The following TAPT1 variants were observed in gnomAD, a reference collection of about 807,000 sequenced individuals.
TAPT1 encodes the protein transmembrane anterior posterior transformation 1, also known as transmembrane anterior posterior transformation protein 1 homolog.
A neutral mutation model predicts 65.6 loss-of-function variants in TAPT1; 28 were observed. The ratio of observed to expected loss-of-function variants is 0.43; its 90% CI spans 0.32 to 0.59. TAPT1 has a LOEUF of 0.59. Ranked by LOEUF, TAPT1 falls within the 20% of genes least tolerant of loss-of-function variation. The pLI, the probability that TAPT1 is intolerant of heterozygous loss-of-function variation, is 0.09. For missense variants in TAPT1, 563 were observed against 679.9 expected (o/e 0.83, Z 1.91); for synonymous variants, 278 against 245.2 (o/e 1.13, Z -1.25).
rs781278121 is a variant in TAPT1 at position 16,174,248 on chromosome 4, CAG to C, written c.1190_1191del (p.Ser397CysfsTer25). On this transcript the variant is annotated frameshift_variant, in exon 11 of 14. Transcript: ENST00000405303. LOFTEE classifies it high-confidence loss of function. ...GGAATAAAGCCCATCCTCCGTGCTACAGAGTCACTGTAATCAGTGTATGCCTG... is the reference window on the plus strand; with the variant it reads ...GGAATAAAGCCCATCCTCCGTGCTACAGTCACTGTAATCAGTGTATGCCTG... ...QKNAYTDYSD[S>X]VARRMGFIPL... is the part of the protein sequence containing the mutation. The C allele has an allele frequency of 3.1e-6, 5 of 1,608,022 alleles. No homozygotes were observed. The highest frequency in any genetic ancestry group is 1.7e-4 in the Middle Eastern group (1 of 6,058).
At chr4:16,193,648 C>G (rs1749518434) in intron 3 of TAPT1, among the ~76,000 whole-genome samples, 1 of 152,178 alleles carries the variant, frequency 6.6e-6, no homozygotes, top group Admixed American at 6.5e-5. Flanking sequence ...AAACATATTT[C>G]TCATTCAAAC....
At chr4:16,169,079 T>A (rs1470106824) in intron 12 of TAPT1, among the ~76,000 whole-genome samples, 2 of 152,222 alleles carry the variant, frequency 1.3e-5, no homozygotes, top group African/African-American at 4.8e-5. Flanking sequence ...TTGAGAAAGC[T>A]TCTGAAGGAG....
chr4:16,222,069 T>C (rs893902927), intron 1 of TAPT1, among the ~76,000 whole-genome samples: 1 of 152,218 alleles, frequency 6.6e-6, no homozygotes, highest in Non-Finnish European at 1.5e-5. Flanking sequence ...TTTTCCAAGG[T>C]CATAAGGTTA....
intron 2 of TAPT1, among the ~76,000 whole-genome samples, chr4:16,205,103 T>G (rs1750264798): frequency 6.6e-6 from 1 of 151,418 alleles, no homozygotes; most frequent in Non-Finnish European, 1.5e-5. Context: ...AGCCTCTTTC[T>G]GTGGGGAATG....
In TAPT1 at chr4:16,202,717, A is replaced by C. The variant is rs1322003336; in HGVS notation, c.331-137T>G. ...ACTTAGCCCTGGGAATAACAAATTA[A>C]CAGTTCTTCTCTTCAAAGAGTGAGT... is the stretch of plus-strand genomic sequence containing the variant. On this transcript the variant is annotated intron_variant, in intron 2 of 13. Coordinates refer to ENST00000405303, the MANE Select transcript of TAPT1 (RefSeq NM_153365.3). The C allele has an allele frequency of 1.7e-5, 9 of 530,690 alleles. No homozygotes were observed. In the African/African-American group the frequency reaches 1.7e-4, roughly 10 times the overall value. The allele number at this position is 530,690 out of a possible 1,614,324, so 32.9% of individuals were successfully genotyped here. A position where few individuals can be genotyped will look rare whatever the true frequency, so the allele number is the denominator to read the frequency against.
intron 11 of TAPT1, among the ~76,000 whole-genome samples, chr4:16,173,228 T>C (rs759485787): frequency 3.3e-5 from 5 of 151,644 alleles, no homozygotes. Flanking sequence ...CCTGAGTAGC[T>C]AGGACTACAG....
At chr4:16,174,436 T>A in intron 10 of TAPT1, 164 bp from the exon 11 acceptor site, 1 of 715,616 alleles carries the variant, frequency 1.4e-6, no homozygotes, top group South Asian at 2.1e-5. Context: ...TGTTCACAAG[T>A]CTTAAATACA....
At chr4:16,194,045 T>A (rs922976728) in intron 3 of TAPT1, among the ~76,000 whole-genome samples, 4 of 152,220 alleles carry the variant, frequency 2.6e-5, no homozygotes, top group African/African-American at 9.6e-5. Flanking sequence ...TATATCCAAT[T>A]GTGTTTCTTT....
chr4:16,221,138 C>G (rs1751233632), intron 1 of TAPT1, among the ~76,000 whole-genome samples: 1 of 151,402 alleles, frequency 6.6e-6, no homozygotes, highest in Admixed American at 6.6e-5. Flanking sequence ...TTTGGAGACA[C>G]AGTCTTGCTC....
At chr4:16,191,959 A>G (rs1463058038) in intron 3 of TAPT1, among the ~76,000 whole-genome samples, 1 of 152,236 alleles carries the variant, frequency 6.6e-6, no homozygotes, top group African/African-American at 2.4e-5. Context: ...GATATTCCAT[A>G]TAAGTTCATC....
chr4:16,209,821 T>C (rs1216475882), intron 2 of TAPT1, among the ~76,000 whole-genome samples: 1 of 152,214 alleles, frequency 6.6e-6, no homozygotes, highest in African/African-American at 2.4e-5. Context: ...TAGGACAGTA[T>C]CTGACACCTA....
At chr4:16,164,868 T>C (rs200856806) in intron 13 of TAPT1, among the ~76,000 whole-genome samples, 5 of 152,356 alleles carry the variant, frequency 3.3e-5, no homozygotes, top group African/African-American at 4.8e-5. Context: ...CCAGTGATTA[T>C]ACACATTGTT....
chr4:16,219,448 G>A (rs921917059), intron 1 of TAPT1, among the ~76,000 whole-genome samples: 3 of 152,140 alleles, frequency 2.0e-5, no homozygotes, highest in Non-Finnish European at 2.9e-5. Context: ...CTATATTCTC[G>A]AAGTCCAGCC....
At chr4:16,185,558 G>A (rs945281450) in intron 7 of TAPT1, among the ~76,000 whole-genome samples, 3 of 151,982 alleles carry the variant, frequency 2.0e-5, no homozygotes, top group Non-Finnish European at 2.9e-5. Context: ...TAGTAGAGAC[G>A]GGGTTTTACC....
chr4:16,190,828 CATTA>C (rs1749326399), intron 4 of TAPT1: 1 of 154,804 alleles, frequency 6.5e-6, no homozygotes, highest in Non-Finnish European at 1.5e-5. Context: ...GTACTAAAAA[CATTA>C]CTTACAAAAA....
intron 7 of TAPT1, among the ~76,000 whole-genome samples, chr4:16,182,030 T>C (rs1043283807): frequency 6.6e-6 from 1 of 152,230 alleles, no homozygotes; most frequent in African/African-American, 2.4e-5. Context: ...TATCTTTATT[T>C]GATAAGATAA....
intron 13 of TAPT1, among the ~76,000 whole-genome samples, chr4:16,166,294 C>T (rs192360065): frequency 4.5e-4 from 69 of 152,332 alleles, no homozygotes; most frequent in Admixed American, 1.3e-3. Context: ...TGCAGTTCCC[C>T]GTCACTTGAC....
intron 12 of TAPT1, among the ~76,000 whole-genome samples, chr4:16,168,120 CTTT>C (rs113471433): frequency 6.7e-6 from 1 of 148,706 alleles, no homozygotes; most frequent in Non-Finnish European, 1.5e-5. Flanking sequence ...AGTTGGTTTT[CTTT>C]TTTTTTTTAA....
chr4:16,225,585 G>A (rs1412096205), intron 1 of TAPT1, among the ~76,000 whole-genome samples: 1 of 152,118 alleles, frequency 6.6e-6, no homozygotes, highest in African/African-American at 2.4e-5. Context: ...AAAACCTACA[G>A]CTTATAGAAA....
Sources: allele counts gnomAD v4.1 joint callset (sites outside exome capture counted in the v4.1 genomes callset), GRCh38; gene constraint gnomAD v4.1.1; transcripts MANE v1.5; gene names NCBI Gene and HGNC (gene_info 2026-07-23, HGNC 2026-07-21).